Variants in ASTN1 observed in about 807,000 individuals in gnomAD.
ASTN1 encodes the protein astrotactin-1.
ASTN1 carries 41 observed loss-of-function variants against 140.7 expected under a neutral mutation model. The observed-to-expected ratio is 0.29, with a 90% CI of 0.23 to 0.38. The LOEUF (loss-of-function observed/expected upper bound fraction) is 0.38. ASTN1 is among the 10% of genes least tolerant of loss of function. The pLI is 1.00. For synonymous variants in ASTN1, 640 were observed against 652.2 expected (o/e 0.98, Z 0.29); for missense variants, 1,479 against 1,678.8 (o/e 0.88, Z 2.08).
chr1:177,047,073 C>T (rs944340257), intron 2 of ASTN1, among the ~76,000 whole-genome samples: 1 of 152,164 alleles, frequency 6.6e-6, no homozygotes, highest in Non-Finnish European at 1.5e-5. Flanking sequence ...TCCGGAGAAG[C>T]ATAATCCCTC....
intron 11 of ASTN1, among the ~76,000 whole-genome samples, chr1:176,953,172 A>G (rs903877382): frequency 5.9e-5 from 9 of 152,060 alleles, no homozygotes; most frequent in Admixed American, 5.9e-4. Flanking sequence ...AGTGATTTTT[A>G]GTTGATTAAT....
intron 8 of ASTN1, among the ~76,000 whole-genome samples, chr1:176,986,838 G>C (rs565132344): frequency 1.1e-4 from 17 of 152,164 alleles, no homozygotes; most frequent in Non-Finnish European, 2.1e-4. Context: ...ATTAACACGT[G>C]TTAACTGCTT....
intron 14 of ASTN1, among the ~76,000 whole-genome samples, chr1:176,939,414 T>G (rs1671593553): frequency 6.6e-6 from 1 of 152,206 alleles, no homozygotes; most frequent in Non-Finnish European, 1.5e-5. Context: ...ATTACTTAGC[T>G]GATCAACATT....
intron 1 of ASTN1, among the ~76,000 whole-genome samples, chr1:177,074,473 T>C (rs1262405338): frequency 6.6e-6 from 1 of 152,176 alleles, no homozygotes; most frequent in East Asian, 1.9e-4. Context: ...GGCACACCCC[T>C]ACAGGACACT....
At chr1:177,127,467 C>A (rs2102194513) in intron 1 of ASTN1, among the ~76,000 whole-genome samples, 1 of 152,308 alleles carries the variant, frequency 6.6e-6, no homozygotes. Context: ...ATGCCTTCTC[C>A]ATAACTGAGC....
chr1:176,878,161 G>A (rs1668640542), intron 20 of ASTN1, among the ~76,000 whole-genome samples: 1 of 152,136 alleles, frequency 6.6e-6, no homozygotes, highest in Non-Finnish European at 1.5e-5. Context: ...AGAATGTGAC[G>A]ATCTGCCTAG....
intron 1 of ASTN1, among the ~76,000 whole-genome samples, chr1:177,147,315 A>G (rs1280267334): frequency 1.3e-5 from 2 of 152,190 alleles, no homozygotes; most frequent in South Asian, 2.1e-4. Context: ...TTAAAGTTCA[A>G]TGGTACCAAG....
At chr1:176,939,184 A>G (rs1279446514) in intron 14 of ASTN1, among the ~76,000 whole-genome samples, 2 of 152,108 alleles carry the variant, frequency 1.3e-5, no homozygotes, top group Admixed American at 1.3e-4. Context: ...GGCCTCCACA[A>G]TGTTATCATC....
In ASTN1 at chr1:176,881,215, TGCATTG is replaced by T. The variant is rs1443747638; in HGVS notation, c.3362+1638_3362+1643del. On this transcript the variant is annotated intron_variant, in intron 20 of 22. Transcript: ENST00000361833. ...ATTTGCTGTTTCTTCCTTAGCCCCC[TGCATTG>T]GCTCCAACTTCTCAATAAACAGCAT... is the stretch of plus-strand genomic sequence containing the variant. 5.9e-5 allele frequency among the ~76,000 whole-genome samples: 9 copies of T among 152,302 alleles called. No individual in the cohort carries two copies. In the East Asian group the frequency reaches 1.4e-3, roughly 23 times the overall value.
At position 177,048,596 on chromosome 1, in the gene ASTN1, G is replaced by A. The variant is rs142634788; in HGVS notation, c.471+12482C>T. 5.3e-4 allele frequency among the ~76,000 whole-genome samples: 80 copies of A among 152,246 alleles called. 1 individual carries two copies. The East Asian group carries it at 0.01, about 20-fold the overall frequency. On this transcript the variant is annotated intron_variant, in intron 2 of 22. Coordinates refer to ENST00000361833, the MANE Select transcript of ASTN1 (RefSeq NM_004319.3). Reference sequence around the variant, plus strand: ...GGGAGGAGGATAAATGTCTCCTTCCGGGAGTATTCAAAGGCCTCCAGAGGC... The same window carrying A: ...GGGAGGAGGATAAATGTCTCCTTCCAGGAGTATTCAAAGGCCTCCAGAGGC...
At position 176,949,192 on chromosome 1, in the gene ASTN1, A is replaced by T; in HGVS notation, c.2047T>A (p.Phe683Ile). The T allele has an allele frequency of 6.2e-7, 1 of 1,613,854 alleles. No homozygotes were observed. The highest frequency in any genetic ancestry group is 8.5e-7 in the Non-Finnish European group (1 of 1,179,994). Residue 683 changes from phenylalanine (F) to isoleucine (I), a missense_variant, in exon 12 of 23, where the codon TTC (phenylalanine) becomes ATC (isoleucine). Coordinates refer to ENST00000361833, the MANE Select transcript of ASTN1 (RefSeq NM_004319.3). Reference protein sequence around the residue: ...DDPTLYNILMFCGCIEDYKLG... With the variant: ...DDPTLYNILMICGCIEDYKLG... ...GCTGGCAGCTCAACTCACCCACAGA[A>T]CATGAGGATGTTATACAAGGTGGGG...
chr1:177,054,062 T>C (rs1677675224), intron 2 of ASTN1, among the ~76,000 whole-genome samples: 1 of 152,224 alleles, frequency 6.6e-6, no homozygotes, highest in East Asian at 1.9e-4. Context: ...ACTAAATATA[T>C]ATTGTGTGCT....
chr1:176,871,069 A>G (rs1390631161), intron 21 of ASTN1, among the ~76,000 whole-genome samples: 1 of 152,182 alleles, frequency 6.6e-6, no homozygotes, highest in African/African-American at 2.4e-5. Context: ...TAGATGATGT[A>G]TAATCAATTT....
intron 2 of ASTN1, among the ~76,000 whole-genome samples, chr1:177,055,964 A>C (rs1558062871): frequency 6.6e-6 from 1 of 152,214 alleles, no homozygotes; most frequent in Non-Finnish European, 1.5e-5. Flanking sequence ...TTGATGACAC[A>C]CAGTGACTGC....
At chr1:176,874,095 T>C (rs1315858793) in intron 21 of ASTN1, among the ~76,000 whole-genome samples, 2 of 152,166 alleles carry the variant, frequency 1.3e-5, no homozygotes, top group Non-Finnish European at 2.9e-5. Flanking sequence ...CTGCAGGCTG[T>C]ACTACCTGCA....
intron 1 of ASTN1, among the ~76,000 whole-genome samples, chr1:177,085,480 T>C (rs1036580231): frequency 6.6e-6 from 1 of 152,220 alleles, no homozygotes; most frequent in Non-Finnish European, 1.5e-5. Context: ...CAAAGACATA[T>C]ATAACTGGAT....
intron 2 of ASTN1, among the ~76,000 whole-genome samples, chr1:177,053,411 A>G (rs1164033670): frequency 2.0e-5 from 3 of 152,228 alleles, no homozygotes; most frequent in Non-Finnish European, 2.9e-5. Flanking sequence ...GAAGATGTAA[A>G]GACTGAAAAG....
Position 176,861,466 on chromosome 1 carries a change from G to A in ASTN1, c.*2818C>T, listed in dbSNP as rs1307312337. ...CTTGAAAACTCAAGGTTGAATACCG[G>A]TCCAGTACCATCACCCTTTCTAGCC... On this transcript the variant is annotated 3_prime_UTR_variant, in exon 23 of 23. Coordinates refer to ENST00000361833, the MANE Select transcript of ASTN1 (RefSeq NM_004319.3). The A allele has an allele frequency of 9.1e-6, 9 of 985,742 alleles. No individual in the cohort carries two copies. The highest frequency in any genetic ancestry group is 1.1e-5 in the Non-Finnish European group (9 of 829,962). 61.1% of individuals were successfully genotyped at this position (985,742 alleles called of 1,614,324 possible).
chr1:176,933,111 C>A (rs1483658086), intron 16 of ASTN1, among the ~76,000 whole-genome samples: 1 of 152,178 alleles, frequency 6.6e-6, no homozygotes, highest in Non-Finnish European at 1.5e-5. Flanking sequence ...GCCACTGTAG[C>A]CCAGACACAA....
Sources: allele counts gnomAD v4.1 joint callset (sites outside exome capture counted in the v4.1 genomes callset), GRCh38; gene constraint gnomAD v4.1.1; transcripts MANE v1.5; gene names NCBI Gene and HGNC (gene_info 2026-07-23, HGNC 2026-07-21).